Variants in PROS1 observed in about 807,000 individuals in gnomAD.
PROS1 encodes protein S, also known as vitamin K-dependent protein S.
PROS1 carries 29 observed loss-of-function variants against 75.9 expected under a neutral mutation model. That is an observed-to-expected ratio of 0.38 (90% CI 0.28 to 0.52). The LOEUF (loss-of-function observed/expected upper bound fraction) is 0.52, where lower values mean the gene tolerates loss of function less well. Among genes scored for constraint, PROS1 ranks in the 20% least tolerant of loss-of-function variants. PROS1 has a pLI of 0.83. For missense variants in PROS1, 680 were observed against 810.3 expected, an observed-to-expected ratio of 0.84 and a Z score of 1.95; for synonymous variants, 245 against 280.6, an observed-to-expected ratio of 0.87 and a Z score of 1.27.
intron 1 of PROS1, among the ~76,000 whole-genome samples, chr3:93,967,003 T>A (rs1306427072): frequency 2.6e-5 from 4 of 152,180 alleles, no homozygotes; most frequent in Non-Finnish European, 4.4e-5. Flanking sequence ...ATAGGCCACA[T>A]ATGGCTTTCG....
intron 1 of PROS1, chr3:93,958,754 C>T (rs1478676300): frequency 6.6e-6 from 1 of 152,336 alleles, no homozygotes; most frequent in East Asian, 1.9e-4. Flanking sequence ...CTTCCTCATT[C>T]TCTCTTTGCC....
At chr3:93,949,881 G>C (rs1378349328) in intron 1 of PROS1, among the ~76,000 whole-genome samples, 2 of 152,152 alleles carry the variant, frequency 1.3e-5, no homozygotes, top group African/African-American at 2.4e-5. Flanking sequence ...AAGCAGGGGG[G>C]GCATTGCCTC....
intron 14 of PROS1, among the ~76,000 whole-genome samples, chr3:93,875,623 CCTCT>C (rs1382631079): frequency 3.3e-5 from 4 of 120,032 alleles, no homozygotes; most frequent in Non-Finnish European, 5.1e-5. Context: ...TCACTACTTA[CCTCT>C]ATCTATCTAT....
rs558383755 is a variant in PROS1, at chr3:93,932,688, G to T, written c.77-5281C>A. Among the ~76,000 whole-genome samples the T allele has an allele frequency of 2.6e-5, 4 of 152,198 alleles. No homozygotes were observed. The South Asian group carries it at 8.3e-4, about 32-fold the overall frequency. On this transcript the variant is annotated intron_variant, in intron 1 of 14. Transcript: ENST00000394236. ...CAGCCTTCATATGTTCTCTTCATGT[G>T]GGGGGTAAGTCTTTGTTTTTTGAGT...
intron 1 of PROS1, among the ~76,000 whole-genome samples, chr3:93,950,343 C>T (rs1223344602): frequency 6.6e-6 from 1 of 152,144 alleles, no homozygotes; most frequent in Non-Finnish European, 1.5e-5. Flanking sequence ...AGTGGTTCTC[C>T]CAGCACGGAG....
chr3:93,894,702 G>A (rs777582913), intron 9 of PROS1, among the ~76,000 whole-genome samples: 2 of 152,070 alleles, frequency 1.3e-5, no homozygotes, highest in Non-Finnish European at 2.9e-5. Flanking sequence ...TTTACGGAGG[G>A]AAAGTATTTG....
Position 93,898,545 on chromosome 3 carries a change from A to G in PROS1, c.752T>C (p.Met251Thr). The G allele has an allele frequency of 2.5e-6, 4 of 1,612,592 alleles. No individual in the cohort carries two copies. Among genetic ancestry groups the G allele is most frequent in the South Asian group, 1.1e-5 (1 of 91,050 alleles). ...CEDIDECSEN[M>T]CAQLCVNYPG... The stretch of plus-strand genomic sequence containing the variant: ...GTAATTGACACAAAGCTGAGCACAC[A>G]TGTTCTCAGAGCATTCATCTATATC... The change falls in exon 8 of 15, where the codon ATG becomes ACG. Residue 251 changes from methionine (M) to threonine (T), a missense_variant. Coordinates refer to ENST00000394236, the MANE Select transcript of PROS1 (RefSeq NM_000313.4).
At chr3:93,921,042 T>C (rs1267465213) in intron 3 of PROS1, among the ~76,000 whole-genome samples, 1 of 152,206 alleles carries the variant, frequency 6.6e-6, no homozygotes, top group South Asian at 2.1e-4. Flanking sequence ...TTTTTCTGTA[T>C]GAACTGAGGT....
intron 11 of PROS1, among the ~76,000 whole-genome samples, chr3:93,885,597 A>G (rs1331849949): frequency 6.6e-6 from 1 of 152,184 alleles, no homozygotes; most frequent in Non-Finnish European, 1.5e-5. Context: ...TTCAGACACA[A>G]AAGTGTTTGC....
Position 93,874,303 on chromosome 3 carries a change from T to A in PROS1, c.1973A>T (p.His658Leu). ...ACATGAGTGAGCTCTAATATCATTA[T>A]GTTTAGAAATGGCTTCATCCAGATC... ...QLDLDEAISK[H>L]NDIRAHSCPS... Residue 658 changes from histidine to leucine, a missense_variant, in exon 15 of 15, where the codon CAT becomes CTT. Transcript: ENST00000394236. 1 of 1,613,522 alleles carries A rather than the reference T, an allele frequency of 6.2e-7. No homozygotes were observed. The highest frequency in any genetic ancestry group is 8.5e-7 in the Non-Finnish European group (1 of 1,179,552).
intron 1 of PROS1, among the ~76,000 whole-genome samples, chr3:93,957,891 C>T (rs562477261): frequency 1.6e-3 from 246 of 152,084 alleles, no homozygotes; most frequent in Middle Eastern, 3.4e-3. Flanking sequence ...GAGTTCGAGA[C>T]CAGCCTGGCC....
intron 1 of PROS1, among the ~76,000 whole-genome samples, chr3:93,934,876 A>G (rs574112592): frequency 3.5e-4 from 54 of 152,260 alleles, no homozygotes; most frequent in Non-Finnish European, 6.6e-4. Flanking sequence ...ACAGAAGTGA[A>G]ACGGACCTCT....
At chr3:93,895,362 A>G (rs1708488969) in intron 9 of PROS1, among the ~76,000 whole-genome samples, 1 of 152,168 alleles carries the variant, frequency 6.6e-6, no homozygotes. Flanking sequence ...TCCAATCTCT[A>G]TCATTAGAAG....
intron 12 of PROS1, among the ~76,000 whole-genome samples, chr3:93,884,138 G>A (rs147793510): frequency 1.5e-3 from 225 of 152,172 alleles, no homozygotes; most frequent in Middle Eastern, 3.4e-3. Flanking sequence ...ACTGTTATAC[G>A]TAAGATGCCC....
intron 1 of PROS1, among the ~76,000 whole-genome samples, chr3:93,955,462 A>G (rs113142656): frequency 6.6e-6 from 1 of 152,200 alleles, no homozygotes; most frequent in African/African-American, 2.4e-5. Context: ...CATTCTCAGC[A>G]AACTATTGCA....
chr3:93,882,772 A>T (rs1370915040), intron 12 of PROS1, among the ~76,000 whole-genome samples: 1 of 152,156 alleles, frequency 6.6e-6, no homozygotes, highest in African/African-American at 2.4e-5. Flanking sequence ...AACAGAGTGC[A>T]GGGAAGGAGA....
chr3:93,953,155 G>A (rs1015608104), intron 1 of PROS1, among the ~76,000 whole-genome samples: 1 of 152,122 alleles, frequency 6.6e-6, no homozygotes, highest in African/African-American at 2.4e-5. Context: ...GACATAAAAA[G>A]AGTTGTTACC....
chr3:93,913,068 G>A (rs1301156645), intron 3 of PROS1, among the ~76,000 whole-genome samples: 1 of 152,146 alleles, frequency 6.6e-6, no homozygotes, highest in Non-Finnish European at 1.5e-5. Flanking sequence ...ATGTGTCAAG[G>A]GACAGACCAG....
chr3:93,904,264 C>T (rs1337451439), intron 6 of PROS1, among the ~76,000 whole-genome samples: 1 of 151,944 alleles, frequency 6.6e-6, no homozygotes, highest in East Asian at 1.9e-4. Flanking sequence ...TGAATAATGC[C>T]GCAATAAACA....
Sources: gnomAD v4.1 joint callset for allele counts (sites outside exome capture counted in the v4.1 genomes callset) on GRCh38, gnomAD v4.1.1 for gene constraint, MANE v1.5 for transcripts, NCBI Gene and HGNC (gene_info 2026-07-23, HGNC 2026-07-21) for gene names.